The following SPIRE1 variants were observed in gnomAD, a reference collection of about 807,000 sequenced individuals.
The protein encoded by SPIRE1 is spire type actin nucleation factor 1.
A neutral mutation model predicts 94.1 loss-of-function variants in SPIRE1; 40 were observed. That is an observed-to-expected ratio of 0.43 (90% CI 0.33 to 0.55). SPIRE1 has a LOEUF of 0.55. SPIRE1 is among the 20% of genes least tolerant of loss of function. The pLI, the probability that SPIRE1 is intolerant of heterozygous loss-of-function variation, is 0.06. For missense variants in SPIRE1, 838 were observed against 975.2 expected (o/e 0.86, Z 1.87); for synonymous variants, 376 against 371.7 (o/e 1.01, Z -0.13).
chr18:12,463,428 G>A lies in SPIRE1; in HGVS notation c.1561C>T (p.Arg521Ter), dbSNP rs747265516. The change falls in exon 12 of 17, where the codon CGA (arginine) becomes TGA (stop). Residue 521 changes from arginine (R) to a stop codon, truncating the protein, a stop_gained. Coordinates refer to ENST00000409402, the MANE Select transcript of SPIRE1 (RefSeq NM_001128626.2). LOFTEE classifies it high-confidence loss of function. ...GGCGTTTCCTTTTCAATGGAATGTC[G>A]TCTCTGGGGTGGCTGCCGTCTCTCT... ...QPERRQPPQR[R>*]HSIEKETPTN... 6 of 1,613,938 alleles carry A rather than the reference G, an allele frequency of 3.7e-6. No homozygotes were observed. The highest frequency in any genetic ancestry group is 5.1e-6 in the Non-Finnish European group (6 of 1,179,928).
At chr18:12,508,048 A>G (rs1232031821) in intron 5 of SPIRE1, among the ~76,000 whole-genome samples, 1 of 152,110 alleles carries the variant, frequency 6.6e-6, no homozygotes, top group Non-Finnish European at 1.5e-5. Context: ...CAGGAGGCTG[A>G]GGCAGGAGAA....
chr18:12,601,738 T>C (rs1049921569), intron 2 of SPIRE1, among the ~76,000 whole-genome samples: 2 of 152,180 alleles, frequency 1.3e-5, no homozygotes, highest in African/African-American at 4.8e-5. Context: ...ACGTGGCCTT[T>C]GTCTCTGGAT....
intron 6 of SPIRE1, among the ~76,000 whole-genome samples, chr18:12,500,088 A>G (rs2033603207): frequency 6.6e-6 from 1 of 152,198 alleles, no homozygotes; most frequent in Non-Finnish European, 1.5e-5. Flanking sequence ...GTACACATGG[A>G]CGCAAAGATG....
In SPIRE1 at chr18:12,552,910, C is replaced by G. The variant is rs370325359; in HGVS notation, c.373-6006G>C. On this transcript the variant is annotated intron_variant, in intron 2 of 16. Transcript: ENST00000409402. ...TGCGGCTCTTCCTGCTACAAGAACA[C>G]CAGGCAGTCATGAGACCCCCATTCC... Among the ~76,000 whole-genome samples the G allele has an allele frequency of 5.3e-5, 8 of 152,162 alleles. No homozygotes were observed. In the East Asian group the frequency reaches 5.8e-4, roughly 11 times the overall value.
chr18:12,466,949 GC>G (rs373318624), intron 10 of SPIRE1, among the ~76,000 whole-genome samples: 52 of 152,162 alleles, frequency 3.4e-4, no homozygotes, highest in African/African-American at 1.0e-3. Flanking sequence ...AAAGAACAGG[GC>G]GGAAAAAAAG....
intron 3 of SPIRE1, 41 bp from the exon 4 acceptor site, chr18:12,535,642 T>C (rs201997973): frequency 7.6e-5 from 120 of 1,582,158 alleles, no homozygotes; most frequent in Non-Finnish European, 1.0e-4. Context: ...TTGGTTACTA[T>C]TTGGGTTTTT....
chr18:12,558,206 G>C (rs940752749), intron 2 of SPIRE1, among the ~76,000 whole-genome samples: 1 of 152,162 alleles, frequency 6.6e-6, no homozygotes, highest in Non-Finnish European at 1.5e-5. Flanking sequence ...TCCGGAGTTA[G>C]TTTCTTCTGG....
At chr18:12,603,724 G>A (rs1021273564) in intron 2 of SPIRE1, among the ~76,000 whole-genome samples, 11 of 151,878 alleles carry the variant, frequency 7.2e-5, no homozygotes, top group African/African-American at 2.4e-4. Flanking sequence ...ACAGGTGCCC[G>A]ACACCACGCC....
intron 11 of SPIRE1, among the ~76,000 whole-genome samples, chr18:12,463,747 A>T (rs1292449048): frequency 1.3e-5 from 2 of 152,238 alleles, no homozygotes; most frequent in Non-Finnish European, 2.9e-5. Flanking sequence ...TTCCCAAATC[A>T]TACCAAAATT....
At chr18:12,541,254 G>T (rs1163657140) in intron 3 of SPIRE1, among the ~76,000 whole-genome samples, 1 of 152,160 alleles carries the variant, frequency 6.6e-6, no homozygotes, top group East Asian at 1.9e-4. Flanking sequence ...TTGCTTTAAG[G>T]CCTGGAATAC....
At chr18:12,561,395 G>A (rs777891790) in intron 2 of SPIRE1, among the ~76,000 whole-genome samples, 10 of 151,474 alleles carry the variant, frequency 6.6e-5, no homozygotes, top group South Asian at 6.3e-4. Context: ...TCAGCCTCCC[G>A]AGTAGCTGGG....
upstream of SPIRE1, chr18:12,661,305 T>C: frequency 3.2e-6 from 3 of 931,170 alleles, no homozygotes; most frequent in Non-Finnish European, 3.8e-6. Context: ...TGAGCCTTCA[T>C]CTCAAAAAAG....
At chr18:12,507,671 C>T (rs1274174049) in intron 5 of SPIRE1, among the ~76,000 whole-genome samples, 1 of 151,588 alleles carries the variant, frequency 6.6e-6, no homozygotes, top group African/African-American at 2.4e-5. Flanking sequence ...TGTACTCCAG[C>T]TTGGGCGACA....
intron 12 of SPIRE1, among the ~76,000 whole-genome samples, 167 bp downstream of exon 12, chr18:12,463,184 G>C (rs769936028): frequency 7.9e-5 from 12 of 152,214 alleles, no homozygotes; most frequent in Non-Finnish European, 1.6e-4. Context: ...TTATAGGCAC[G>C]AGCCACCACG....
chr18:12,449,301 CTTT>C lies in SPIRE1; in HGVS notation c.*334_*336del. 1.6e-5 allele frequency: 4 copies of C among 248,434 alleles called. No individual in the cohort carries two copies. Among genetic ancestry groups the C allele is most frequent in the East Asian group, 1.0e-4 (1 of 9,912 alleles). The allele number at this position is 248,434 out of a possible 1,614,324, so 15.4% of individuals were successfully genotyped here. A position where few individuals can be genotyped will look rare whatever the true frequency, so the allele number is the denominator to read the frequency against. On this transcript the variant is annotated 3_prime_UTR_variant, in exon 17 of 17. Transcript: ENST00000409402. Reference sequence around the variant, plus strand: ...GTTAGACTGATTCTCGTAGGAGAAGCTTTTTTTTTTTGCCTTAGTCAGGAGATT... The same window carrying C: ...GTTAGACTGATTCTCGTAGGAGAAGCTTTTTTTTGCCTTAGTCAGGAGATT...
intron 1 of SPIRE1, among the ~76,000 whole-genome samples, chr18:12,637,351 T>G (rs932762443): frequency 6.5e-5 from 8 of 122,142 alleles, no homozygotes; most frequent in African/African-American, 2.3e-4. Context: ...AGAGTGAGAC[T>G]CTGTCTCAAA....
intron 2 of SPIRE1, among the ~76,000 whole-genome samples, chr18:12,566,035 C>A (rs368813567): frequency 0.033 from 4,597 of 139,382 alleles, 83 homozygotes; most frequent in Middle Eastern, 0.054. Flanking sequence ...AACAAACAAA[C>A]AAAAAAAAAA....
intron 2 of SPIRE1, among the ~76,000 whole-genome samples, chr18:12,573,008 G>A (rs1422915180): frequency 6.6e-6 from 1 of 152,108 alleles, no homozygotes; most frequent in African/African-American, 2.4e-5. Flanking sequence ...AAGAAGAATT[G>A]ACTAAGCTGG....
Position 12,546,663 on chromosome 18 carries a change from C to A in SPIRE1, c.603+11G>T. On this transcript the variant is annotated intron_variant, in intron 3 of 16. Transcript: ENST00000409402. Reference sequence around the variant, plus strand: ...TGAAAAAAACAAGTACTGCATAAAACGCTGCCTTACCTTCATGACATCTCT... The same window carrying A: ...TGAAAAAAACAAGTACTGCATAAAAAGCTGCCTTACCTTCATGACATCTCT... 1.3e-6 allele frequency: 2 copies of A among 1,574,116 alleles called. No individual in the cohort carries two copies. Among genetic ancestry groups the A allele is most frequent in the Non-Finnish European group, 1.7e-6 (2 of 1,145,860 alleles).
Sources: gnomAD v4.1 joint callset for allele counts (sites outside exome capture counted in the v4.1 genomes callset) on GRCh38, gnomAD v4.1.1 for gene constraint, MANE v1.5 for transcripts, NCBI Gene and HGNC (gene_info 2026-07-23, HGNC 2026-07-21) for gene names.